Variants in RBFOX3 observed in about 807,000 individuals in gnomAD.
The protein encoded by RBFOX3 is RNA binding fox-1 homolog 3.
Under a neutral mutation model 48.7 loss-of-function variants are expected in RBFOX3, and 17 were observed. The observed-to-expected ratio is 0.35, with a 90% confidence interval of 0.24 to 0.52. The LOEUF is 0.52. Ranked by LOEUF, RBFOX3 falls within the 20% of genes least tolerant of loss-of-function variation. RBFOX3 has a pLI of 0.94. For synonymous variants in RBFOX3, 212 were observed against 209.5 expected (o/e 1.01, Z -0.10); for missense variants, 382 against 497.5 (o/e 0.77, Z 2.21).
chr17:79,275,123 CCTCTCTCT>C (rs368963249), intron 3 of RBFOX3, among the ~76,000 whole-genome samples: 22 of 130,646 alleles, frequency 1.7e-4, no homozygotes, highest in Admixed American at 3.8e-4. Flanking sequence ...TCCATGTCTC[CCTCTCTCT>C]CTCTCTCTCT....
chr17:79,568,873 G>C (rs894212588), intron 1 of RBFOX3, among the ~76,000 whole-genome samples: 3 of 152,200 alleles, frequency 2.0e-5, no homozygotes, highest in African/African-American at 7.2e-5. Flanking sequence ...AAGCACCTGA[G>C]TCAGCGAGAC....
intron 2 of RBFOX3, among the ~76,000 whole-genome samples, chr17:79,408,398 T>C (rs2063833124): frequency 6.6e-6 from 1 of 152,128 alleles, no homozygotes; most frequent in South Asian, 2.1e-4. Context: ...GCCGAAGAAC[T>C]TAAGCAGAAA....
At chr17:79,463,718 G>GCCATCA (rs2075902337) in intron 2 of RBFOX3, among the ~76,000 whole-genome samples, 1 of 114,526 alleles carries the variant, frequency 8.7e-6, no homozygotes, top group African/African-American at 3.2e-5. Context: ...CACCTCCACC[G>GCCATCA]CCACTGCCAC....
intron 4 of RBFOX3, among the ~76,000 whole-genome samples, chr17:79,118,775 C>A (rs1410675215): frequency 6.7e-6 from 1 of 150,152 alleles, no homozygotes; most frequent in East Asian, 2.0e-4. Context: ...GAGTTCGAGA[C>A]CATCCTGGAC....
intron 3 of RBFOX3, among the ~76,000 whole-genome samples, chr17:79,297,571 G>T (rs772916361): frequency 6.6e-6 from 1 of 152,266 alleles, no homozygotes; most frequent in Non-Finnish European, 1.5e-5. Flanking sequence ...ATGTAGGACA[G>T]ACACTGGAAA....
rs13339690 is a variant in RBFOX3 at position 79,380,763 on chromosome 17, G to A, written c.-174-72939C>T. On this transcript the variant is annotated intron_variant, in intron 2 of 14. Coordinates refer to ENST00000693108, the MANE Select transcript of RBFOX3 (RefSeq NM_001350451.2). ...ACAGGAGCCTGGGTTCTACCTGCGT[G>A]CTCTGGTGCCCTGCCACCACACTTT... is the stretch of plus-strand genomic sequence containing the variant. Among the ~76,000 whole-genome samples, 1,025 of 151,644 alleles carry A rather than the reference G, an allele frequency of 6.8e-3. 10 individuals are homozygous for A. The highest frequency in any genetic ancestry group is 0.024 in the African/African-American group (986 of 41,112).
At chr17:79,549,885 G>A (rs547291688) in intron 1 of RBFOX3, among the ~76,000 whole-genome samples, 2 of 152,312 alleles carry the variant, frequency 1.3e-5, no homozygotes, top group South Asian at 4.1e-4. Context: ...TTAGTGATAT[G>A]ATGGATGAAG....
At chr17:79,197,411 C>T (rs1348671264) in intron 4 of RBFOX3, among the ~76,000 whole-genome samples, 2 of 121,852 alleles carry the variant, frequency 1.6e-5, no homozygotes, top group Non-Finnish European at 3.3e-5. Flanking sequence ...TTTTTTGAGA[C>T]AGAGTCTCAC....
intron 1 of RBFOX3, among the ~76,000 whole-genome samples, chr17:79,589,074 T>C (rs934133639): frequency 3.9e-5 from 6 of 152,140 alleles, no homozygotes; most frequent in Non-Finnish European, 8.8e-5. Flanking sequence ...GTCCTGAGCT[T>C]GGACAGTTCT....
intron 4 of RBFOX3, among the ~76,000 whole-genome samples, chr17:79,128,305 G>C (rs945086584): frequency 1.3e-5 from 2 of 152,166 alleles, no homozygotes; most frequent in African/African-American, 4.8e-5. Context: ...TGTGGATGAG[G>C]GGGGGACTTT....
chr17:79,260,716 G>A (rs911779839), intron 3 of RBFOX3, among the ~76,000 whole-genome samples: 7 of 152,134 alleles, frequency 4.6e-5, no homozygotes, highest in African/African-American at 1.4e-4. Flanking sequence ...ATGGGAATCC[G>A]ACGCCCCTCC....
At chr17:79,651,449 T>C in the RBFOX3 span, among the ~76,000 whole-genome samples, 1 of 152,144 alleles carries the variant, frequency 6.6e-6, no homozygotes, top group Admixed American at 6.5e-5. Flanking sequence ...TGCCTTCTGG[T>C]GGTGACACCC....
chr17:79,575,145 T>TG (rs2092816519), intron 1 of RBFOX3, among the ~76,000 whole-genome samples: 1 of 152,222 alleles, frequency 6.6e-6, no homozygotes, highest in African/African-American at 2.4e-5. Flanking sequence ...ACATGGAGCC[T>TG]GGGCCCAGAA....
intron 3 of RBFOX3, among the ~76,000 whole-genome samples, chr17:79,262,452 G>A (rs928037777): frequency 6.6e-6 from 1 of 152,238 alleles, no homozygotes; most frequent in Non-Finnish European, 1.5e-5. Flanking sequence ...TTCCACCTCG[G>A]TCGTTCTCCT....
At chr17:79,303,147 G>C (rs1369343910) in intron 3 of RBFOX3, among the ~76,000 whole-genome samples, 2 of 152,168 alleles carry the variant, frequency 1.3e-5, no homozygotes, top group Non-Finnish European at 2.9e-5. Context: ...GGTAGAGGCT[G>C]TAGTAAGCCT....
At chr17:79,155,598 G>A (rs1372812724) in intron 4 of RBFOX3, among the ~76,000 whole-genome samples, 1 of 152,188 alleles carries the variant, frequency 6.6e-6, no homozygotes, top group Non-Finnish European at 1.5e-5. Flanking sequence ...GGGGCAGGGG[G>A]GTCTCAGGGT....
intron 1 of RBFOX3, among the ~76,000 whole-genome samples, chr17:79,529,513 G>A (rs2087361956): frequency 6.6e-6 from 1 of 152,212 alleles, no homozygotes; most frequent in South Asian, 2.1e-4. Flanking sequence ...TGGGGGCGGG[G>A]TGGCTGGCCA....
rs114222497 is a variant in RBFOX3, at chr17:79,179,099, C to T, written c.-34+56667G>A. Among the ~76,000 whole-genome samples, 670 of 152,290 alleles carry T rather than the reference C, an allele frequency of 4.4e-3. 4 individuals are homozygous for T. Among genetic ancestry groups the T allele is most frequent in the African/African-American group, 0.015 (638 of 41,556 alleles). On this transcript the variant is annotated intron_variant, in intron 4 of 14. Coordinates refer to ENST00000693108, the MANE Select transcript of RBFOX3 (RefSeq NM_001350451.2). ...AACAGCCCAGGGAACAGAGACTAAA[C>T]GCAAGGTGCAAGGGGTGGTGCTACG...
the RBFOX3 span, among the ~76,000 whole-genome samples, chr17:79,620,074 C>T: frequency 6.7e-6 from 1 of 149,368 alleles, no homozygotes; most frequent in South Asian, 2.1e-4. Context: ...TACATGCACA[C>T]ATGCACACAA....
Sources: gnomAD v4.1 joint callset for allele counts (sites outside exome capture counted in the v4.1 genomes callset) on GRCh38, gnomAD v4.1.1 for gene constraint, MANE v1.5 for transcripts, NCBI Gene and HGNC (gene_info 2026-07-23, HGNC 2026-07-21) for gene names.